The following HS6ST3 variants were observed in gnomAD, a reference collection of about 807,000 sequenced individuals.
The protein encoded by HS6ST3 is heparan-sulfate 6-O-sulfotransferase 3.
In HS6ST3, 12 loss-of-function variants were observed where a neutral mutation model predicts 36.7. The observed-to-expected ratio is 0.33, with a 90% CI of 0.21 to 0.53. The LOEUF (loss-of-function observed/expected upper bound fraction) is 0.53. Ranked by LOEUF, HS6ST3 falls within the 20% of genes least tolerant of loss-of-function variation. HS6ST3 has a pLI of 0.95. For missense variants in HS6ST3, 584 were observed against 640.9 expected, an observed-to-expected ratio of 0.91 and a Z score of 0.96; for synonymous variants, 240 against 257.5, an observed-to-expected ratio of 0.93 and a Z score of 0.65.
intron 1 of HS6ST3, among the ~76,000 whole-genome samples, chr13:96,262,024 A>G (rs1481277493): frequency 2.0e-5 from 3 of 152,162 alleles, no homozygotes; most frequent in Non-Finnish European, 2.9e-5. Context: ...GTGTATTACC[A>G]TGACAGTGAG....
intron 1 of HS6ST3, among the ~76,000 whole-genome samples, chr13:96,795,800 A>T (rs1877895928): frequency 6.6e-6 from 1 of 152,090 alleles, no homozygotes; most frequent in South Asian, 2.1e-4. Flanking sequence ...CCCCATAGCA[A>T]CAAGCATCTG....
chr13:96,442,121 A>G (rs1055109440), intron 1 of HS6ST3, among the ~76,000 whole-genome samples: 8 of 151,674 alleles, frequency 5.3e-5, no homozygotes, highest in African/African-American at 1.9e-4. Flanking sequence ...TCCCGTGTTC[A>G]GGTGATCCTC....
At position 96,828,260 on chromosome 13, in the gene HS6ST3, C is replaced by G. The variant is rs187138946; in HGVS notation, c.708-4230C>G. ...TTTCTTTAGCACATTTCAAAACTGC[C>G]TGGCTTACCTAGTGGTAAGGCTAGA... On this transcript the variant is annotated intron_variant, in intron 1 of 1. Transcript: ENST00000376705. Among the ~76,000 whole-genome samples, 493 of 152,294 alleles carry G rather than the reference C, an allele frequency of 3.2e-3. 1 individual carries two copies. Among genetic ancestry groups the G allele is most frequent in the Middle Eastern group, 0.01 (3 of 294 alleles).
At chr13:96,316,388 T>C (rs2054970287) in intron 1 of HS6ST3, among the ~76,000 whole-genome samples, 1 of 151,862 alleles carries the variant, frequency 6.6e-6, no homozygotes, top group South Asian at 2.1e-4. Context: ...AAAGTAAACA[T>C]AACTTCCCTA....
At chr13:96,744,562 A>G (rs1041597138) in intron 1 of HS6ST3, among the ~76,000 whole-genome samples, 13 of 152,090 alleles carry the variant, frequency 8.5e-5, no homozygotes, top group African/African-American at 2.7e-4. Context: ...TCTGGTAAGA[A>G]CCGTATGAAT....
intron 1 of HS6ST3, among the ~76,000 whole-genome samples, chr13:96,447,720 T>G (rs1205079238): frequency 1.3e-5 from 2 of 152,106 alleles, no homozygotes; most frequent in African/African-American, 4.8e-5. Context: ...ACATGCCTGG[T>G]TAAACCAATC....
chr13:96,830,434 A>G (rs1387454037), intron 1 of HS6ST3, among the ~76,000 whole-genome samples: 1 of 152,240 alleles, frequency 6.6e-6, no homozygotes, highest in African/African-American at 2.4e-5. Context: ...TTGAAAAACT[A>G]TGACAATGCA....
intron 1 of HS6ST3, among the ~76,000 whole-genome samples, chr13:96,654,052 GTTGT>G (rs1329758146): frequency 1.6e-4 from 25 of 152,098 alleles, no homozygotes. Context: ...TTTTAATGGG[GTTGT>G]TTGTTTTTTA....
At chr13:96,449,685 A>G (rs1416061722) in intron 1 of HS6ST3, among the ~76,000 whole-genome samples, 3 of 152,210 alleles carry the variant, frequency 2.0e-5, no homozygotes, top group African/African-American at 7.2e-5. Flanking sequence ...GTATAACTCT[A>G]TATCTAATCA....
At chr13:96,694,213 G>T (rs1356932568) in intron 1 of HS6ST3, among the ~76,000 whole-genome samples, 1 of 151,976 alleles carries the variant, frequency 6.6e-6, no homozygotes, top group African/African-American at 2.4e-5. Context: ...TTGTTCCCCT[G>T]TCCTTGTGTT....
chr13:96,128,854 CTTT>C (rs1248071699), intron 1 of HS6ST3, among the ~76,000 whole-genome samples: 1 of 141,004 alleles, frequency 7.1e-6, no homozygotes. Context: ...TTCCCCTGTG[CTTT>C]TTTTTTTTGG....
chr13:96,493,893 A>G (rs2138907541), intron 1 of HS6ST3, among the ~76,000 whole-genome samples: 1 of 152,318 alleles, frequency 6.6e-6, no homozygotes, highest in South Asian at 2.1e-4. Flanking sequence ...ACTATTATGA[A>G]AATTTTTGCA....
At chr13:96,233,756 G>A (rs1194485926) in intron 1 of HS6ST3, among the ~76,000 whole-genome samples, 1 of 152,128 alleles carries the variant, frequency 6.6e-6, no homozygotes, top group East Asian at 1.9e-4. Flanking sequence ...AGGTTGGGCA[G>A]CAAGCTGATA....
In HS6ST3 at chr13:96,833,105, G is replaced by A. The variant is rs1566464733; in HGVS notation, c.1323G>A (p.Gln441=). ...RQKRREERRL[Q]REHRDHQWPK... ...AGCGGCGGGAGGAGCGGAGGCTGCA[G>A]CGAGAGCACAGGGACCACCAGTGGC... The change falls in exon 2 of 2, where the codon CAG becomes CAA. Residue 441 remains glutamine (Q), a synonymous_variant. Coordinates refer to ENST00000376705, the MANE Select transcript of HS6ST3 (RefSeq NM_153456.4). 2 of 1,606,212 alleles carry A rather than the reference G, an allele frequency of 1.2e-6. No individual in the cohort carries two copies. Among genetic ancestry groups the A allele is most frequent in the East Asian group, 2.2e-5 (1 of 44,860 alleles).
At chr13:96,388,923 C>A (rs981968896) in intron 1 of HS6ST3, among the ~76,000 whole-genome samples, 11 of 152,172 alleles carry the variant, frequency 7.2e-5, no homozygotes, top group Admixed American at 7.2e-4. Context: ...AAACCTCTTT[C>A]CTTTAAGTTA....
At chr13:96,317,234 G>T (rs368974305) in intron 1 of HS6ST3, among the ~76,000 whole-genome samples, 8 of 150,316 alleles carry the variant, frequency 5.3e-5, no homozygotes, top group South Asian at 2.1e-4. Context: ...TTCTGTTCCT[G>T]CATTAATTCA....
rs112523178 is a variant in HS6ST3 at position 96,659,421 on chromosome 13, A to G, written c.708-173069A>G. 5.9e-5 allele frequency among the ~76,000 whole-genome samples: 9 copies of G among 152,172 alleles called. 1 individual carries two copies. Among genetic ancestry groups the G allele is most frequent in the African/African-American group, 2.2e-4 (9 of 41,536 alleles). Reference sequence around the variant, plus strand: ...ATAGCCCATATATAAGCTCTTTGTTAGACATATGTATTATGATTATTAATA... The same window carrying G: ...ATAGCCCATATATAAGCTCTTTGTTGGACATATGTATTATGATTATTAATA... On this transcript the variant is annotated intron_variant, in intron 1 of 1. Transcript: ENST00000376705.
At chr13:96,277,541 T>C (rs1204379642) in intron 1 of HS6ST3, among the ~76,000 whole-genome samples, 1 of 152,192 alleles carries the variant, frequency 6.6e-6, no homozygotes, top group Non-Finnish European at 1.5e-5. Context: ...GGTGATAGAT[T>C]TTCCAAATAT....
chr13:96,204,020 T>C (rs949061585), intron 1 of HS6ST3, among the ~76,000 whole-genome samples: 1 of 152,192 alleles, frequency 6.6e-6, no homozygotes, highest in African/African-American at 2.4e-5. Context: ...TTGAATATGT[T>C]TTCATACATT....
Sources: gnomAD v4.1 joint callset for allele counts (sites outside exome capture counted in the v4.1 genomes callset) on GRCh38, gnomAD v4.1.1 for gene constraint, MANE v1.5 for transcripts, NCBI Gene and HGNC (gene_info 2026-07-23, HGNC 2026-07-21) for gene names.